Variants in EPHB1 observed in about 807,000 individuals in gnomAD.
EPHB1 encodes ephrin type-B receptor 1.
In EPHB1, 30 loss-of-function variants were observed where a neutral mutation model predicts 94.4. The observed-to-expected ratio is 0.32, with a 90% CI of 0.24 to 0.43. The LOEUF (loss-of-function observed/expected upper bound fraction) is 0.43, where lower values mean the gene tolerates loss of function less well. EPHB1 is among the 20% of genes least tolerant of loss of function. The pLI, the probability that EPHB1 is intolerant of heterozygous loss-of-function variation, is 1.00. For synonymous variants in EPHB1, 522 were observed against 489.1 expected (o/e 1.07, Z -0.89); for missense variants, 1,055 against 1,308.3 (o/e 0.81, Z 2.99).
chr3:135,167,312 A>G (rs1395327869), intron 9 of EPHB1, among the ~76,000 whole-genome samples: 1 of 152,178 alleles, frequency 6.6e-6, no homozygotes, highest in African/African-American at 2.4e-5. Flanking sequence ...GAATCCTCAA[A>G]TCAGACTCAG....
intron 1 of EPHB1, among the ~76,000 whole-genome samples, chr3:134,857,365 C>T (rs2037144065): frequency 6.6e-6 from 1 of 152,116 alleles, no homozygotes; most frequent in Admixed American, 6.5e-5. Flanking sequence ...TGCTAGCTGC[C>T]TCACACTTGC....
intron 1 of EPHB1, among the ~76,000 whole-genome samples, chr3:134,822,623 C>G (rs368249628): frequency 2.0e-5 from 3 of 152,166 alleles, no homozygotes; most frequent in Admixed American, 6.5e-5. Context: ...CCAAGCCCTC[C>G]CTGGAGAGGC....
chr3:135,105,284 T>C (rs894139242), intron 3 of EPHB1, among the ~76,000 whole-genome samples: 1 of 152,254 alleles, frequency 6.6e-6, no homozygotes, highest in Non-Finnish European at 1.5e-5. Context: ...AGGCAGGCTC[T>C]ATTCTTGAAT....
At chr3:134,952,236 C>A (rs1041107699) in intron 3 of EPHB1, among the ~76,000 whole-genome samples, 184 bp downstream of exon 3, 20 of 152,118 alleles carry the variant, frequency 1.3e-4, no homozygotes, top group African/African-American at 4.8e-4. Flanking sequence ...ACCAGGTTGT[C>A]CATATTTATT....
chr3:135,108,476 C>A (rs1034808022), intron 4 of EPHB1, among the ~76,000 whole-genome samples: 1 of 152,174 alleles, frequency 6.6e-6, no homozygotes, highest in Non-Finnish European at 1.5e-5. Flanking sequence ...TTTTAATCTA[C>A]TGGGAGACCC....
At chr3:135,081,298 T>C (rs777965397) in intron 3 of EPHB1, among the ~76,000 whole-genome samples, 1 of 152,188 alleles carries the variant, frequency 6.6e-6, no homozygotes, top group Non-Finnish European at 1.5e-5. Context: ...AAAAAACCTG[T>C]GTATTAACCA....
intron 1 of EPHB1, among the ~76,000 whole-genome samples, chr3:134,834,813 C>A (rs1369403350): frequency 2.6e-5 from 4 of 152,152 alleles, no homozygotes; most frequent in Non-Finnish European, 5.9e-5. Flanking sequence ...TAATCTCCAC[C>A]AGAGCATTAA....
intron 3 of EPHB1, among the ~76,000 whole-genome samples, chr3:135,061,368 A>ACACCCCCCCCCCCC (rs1937501412): frequency 9.0e-6 from 1 of 111,372 alleles, no homozygotes; most frequent in Non-Finnish European, 1.9e-5. Flanking sequence ...AGGAATGACC[A>ACACCCCCCCCCCCC]CCCCCCCCGA....
At chr3:135,138,096 A>G (rs1300809090) in intron 5 of EPHB1, among the ~76,000 whole-genome samples, 1 of 152,222 alleles carries the variant, frequency 6.6e-6, no homozygotes, top group Non-Finnish European at 1.5e-5. Flanking sequence ...CCTCACTTGC[A>G]TGATCTTATC....
chr3:135,188,494 CA>C lies in EPHB1; in HGVS notation c.1883-4073del, dbSNP rs577315596. 3.9e-3 allele frequency among the ~76,000 whole-genome samples: 590 copies of C among 150,186 alleles called. 7 individuals carry two copies. Among genetic ancestry groups the C allele is most frequent in the African/African-American group, 0.014 (561 of 41,000 alleles). ...TGGGCGACATAGCAAGACTCTGTCT[CA>C]AAAAAAAATAGAATAATAAATAAAT... On this transcript the variant is annotated intron_variant, in intron 10 of 15. Transcript: ENST00000398015.
intron 9 of EPHB1, among the ~76,000 whole-genome samples, chr3:135,170,220 C>T (rs974291466): frequency 6.6e-6 from 1 of 152,198 alleles, no homozygotes; most frequent in Non-Finnish European, 1.5e-5. Context: ...ACCTTCCTTT[C>T]AAACTGATGC....
rs1553854485 is a variant in EPHB1 at position 134,827,386 on chromosome 3, C to CACACACAT, written c.58+31700_58+31701insCACATACA. ...GTGCACACACACACACACACACACA[C>CACACACAT]ACATACACACACACTCCTTATGGGC... On this transcript the variant is annotated intron_variant, in intron 1 of 15. Transcript: ENST00000398015. Among the ~76,000 whole-genome samples the CACACACAT allele has an allele frequency of 2.4e-3, 358 of 152,106 alleles. 1 individual carries two copies. Among genetic ancestry groups the CACACACAT allele is most frequent in the African/African-American group, 8.0e-3 (333 of 41,446 alleles).
chr3:134,867,956 T>A (rs754293802), intron 1 of EPHB1, among the ~76,000 whole-genome samples: 1 of 152,162 alleles, frequency 6.6e-6, no homozygotes, highest in Non-Finnish European at 1.5e-5. Flanking sequence ...GAGGGTATAC[T>A]CTGAGGACAG....
chr3:135,125,004 A>G (rs756611575), intron 4 of EPHB1, among the ~76,000 whole-genome samples: 8 of 151,602 alleles, frequency 5.3e-5, no homozygotes, highest in Non-Finnish European at 8.8e-5. Context: ...CACTTATTCC[A>G]TATTGAGCAA....
At chr3:134,992,705 C>A (rs39697) in intron 3 of EPHB1, among the ~76,000 whole-genome samples, 2 of 151,982 alleles carry the variant, frequency 1.3e-5, no homozygotes, top group African/African-American at 2.4e-5. Context: ...GGGGAGGAGA[C>A]GGGGAGCCTT....
At chr3:134,928,501 A>G (rs1403260129) in intron 2 of EPHB1, among the ~76,000 whole-genome samples, 2 of 152,174 alleles carry the variant, frequency 1.3e-5, no homozygotes, top group Non-Finnish European at 1.5e-5. Context: ...ATGTTTCACT[A>G]TTGAAAGTTT....
intron 4 of EPHB1, among the ~76,000 whole-genome samples, chr3:135,118,183 C>G (rs1220747593): frequency 6.6e-6 from 1 of 152,138 alleles, no homozygotes; most frequent in Non-Finnish European, 1.5e-5. Flanking sequence ...TCAGCCGTGC[C>G]CATACCCACA....
chr3:135,201,481 A>G lies in EPHB1; in HGVS notation c.2138A>G (p.Asp713Gly). Reference sequence around the variant, plus strand: ...CTCTATGTCTTATTACAGCAAAATGACGGGCAGTTCACCGTGATCCAGCTT... The same window carrying G: ...CTCTATGTCTTATTACAGCAAAATGGCGGGCAGTTCACCGTGATCCAGCTT... ...GALDSFLRQNDGQFTVIQLVG... is the reference protein window; with the variant it reads ...GALDSFLRQNGGQFTVIQLVG... The change falls in exon 12 of 16, where the codon GAC becomes GGC. Residue 713 changes from aspartate (D) to glycine (G), a missense_variant. Physicochemically the swap from Asp to Gly is moderately conservative, Grantham distance 94 (BLOSUM62 -1). Coordinates refer to ENST00000398015, the MANE Select transcript of EPHB1 (RefSeq NM_004441.5). The G allele has an allele frequency of 2.5e-6, 4 of 1,613,918 alleles. No homozygotes were observed. Among genetic ancestry groups the G allele is most frequent in the Non-Finnish European group, 3.4e-6 (4 of 1,179,962 alleles).
chr3:135,236,248 G>A (rs1943649509), intron 12 of EPHB1, among the ~76,000 whole-genome samples: 1 of 152,054 alleles, frequency 6.6e-6, no homozygotes, highest in Non-Finnish European at 1.5e-5. Flanking sequence ...TTGGTTTGTA[G>A]ATGCATCACC....
Sources: gnomAD v4.1 joint callset for allele counts (sites outside exome capture counted in the v4.1 genomes callset) on GRCh38, gnomAD v4.1.1 for gene constraint, MANE v1.5 for transcripts, NCBI Gene and HGNC (gene_info 2026-07-23, HGNC 2026-07-21) for gene names.